Variants in ANKRD36B observed in about 807,000 individuals in gnomAD.
ANKRD36B encodes ankyrin repeat domain-containing protein 36B.
In ANKRD36B, 37 loss-of-function variants were observed where a neutral mutation model predicts 135.7. That is an observed-to-expected ratio of 0.27 (90% CI 0.21 to 0.36). The LOEUF is 0.36. Ranked by LOEUF, ANKRD36B falls within the 10% of genes least tolerant of loss-of-function variation. The pLI is 1.00. For missense variants in ANKRD36B, 549 were observed against 1,037.1 expected (o/e 0.53, Z 6.46); for synonymous variants, 179 against 348.1 (o/e 0.51, Z 5.41).
chr2:97,571,258 TG>T (rs1488416614), intron 6 of ANKRD36B, among the ~76,000 whole-genome samples: 2 of 152,062 alleles, frequency 1.3e-5, no homozygotes, highest in African/African-American at 2.4e-5. Context: ...GCAGGAAGAT[TG>T]CTTGAGATCA....
intron 3 of ANKRD36B, among the ~76,000 whole-genome samples, chr2:97,581,783 T>C (rs2082649341): frequency 6.6e-6 from 1 of 152,154 alleles, no homozygotes. Flanking sequence ...ACCACTAAAT[T>C]ATTTGCATCA....
At chr2:97,563,639 C>A (rs2442260) in intron 6 of ANKRD36B, among the ~76,000 whole-genome samples, 47 of 152,046 alleles carry the variant, frequency 3.1e-4, no homozygotes, top group African/African-American at 9.7e-4. Flanking sequence ...CTTTGACCAT[C>A]GGCCATTTCC....
At chr2:97,537,558 C>T (rs1228144752) in intron 32 of ANKRD36B, among the ~76,000 whole-genome samples, 3 of 97,126 alleles carry the variant, frequency 3.1e-5, no homozygotes, top group African/African-American at 6.2e-5. Flanking sequence ...TTACAGTAGT[C>T]ATTGGAGCAG....
rs996676464 is a variant in ANKRD36B at position 97,543,795 on chromosome 2, C to T, written c.1778G>A (p.Gly593Glu). Reference sequence around the variant, plus strand: ...AATGTGTTTTGCAAAATTACCTGTTCCAGATTGTTGTCCATCCTTTATTTC... The same window carrying T: ...AATGTGTTTTGCAAAATTACCTGTTTCAGATTGTTGTCCATCCTTTATTTC... ...PTEIKDGQQS[G>E]TVSSQKQPAW... Residue 593 changes from glycine (G) to glutamate (E), a missense_variant, in exon 26 of 44, where the codon GGA becomes GAA. Gly to Glu is a moderately conservative substitution (Grantham distance 98). Coordinates refer to ENST00000359901, the MANE Select transcript of ANKRD36B (RefSeq NM_001393939.1). The T allele has an allele frequency of 8.8e-5, 17 of 194,224 alleles. 2 individuals carry two copies. Among genetic ancestry groups the T allele is most frequent in the African/African-American group, 8.5e-4 (17 of 19,888 alleles). 12.0% of individuals were successfully genotyped at this position (194,224 alleles called of 1,614,324 possible).
chr2:97,549,245 C>G, intron 20 of ANKRD36B, among the ~76,000 whole-genome samples, 174 bp downstream of exon 20: 1 of 102,964 alleles, frequency 9.7e-6, no homozygotes, highest in South Asian at 2.2e-4. Context: ...TGTTCCAGAC[C>G]AGCAGCATCA....
chr2:97,585,526 C>T, intron 1 of ANKRD36B, 128 bp from the exon 2 acceptor site: 3 of 1,325,864 alleles, frequency 2.3e-6, no homozygotes, highest in Non-Finnish European at 3.0e-6. Context: ...GCGCTTATTA[C>T]TCACCACATT....
At chr2:97,553,016 T>G (rs9677528) in intron 16 of ANKRD36B, among the ~76,000 whole-genome samples, 152 bp downstream of exon 16, 84,508 of 151,636 alleles carry the variant, frequency 0.56, 25,172 homozygotes, top group Non-Finnish European at 0.67. Context: ...CGTCACCCAA[T>G]AATTTATTAC....
At chr2:97,515,013 C>T (rs1459309702) in intron 37 of ANKRD36B, among the ~76,000 whole-genome samples, 1 of 80,454 alleles carries the variant, frequency 1.2e-5, no homozygotes, top group African/African-American at 3.9e-5. Flanking sequence ...ATGTGATTCT[C>T]CTGCCTCAGC....
Position 97,524,716 on chromosome 2 carries a change from A to G in ANKRD36B, c.2266-1249T>C, listed in dbSNP as rs2078098642. The G allele has an allele frequency of 2.1e-5, 2 of 97,206 alleles. 1 individual carries two copies. The highest frequency in any genetic ancestry group is 5.5e-5 in the Non-Finnish European group (2 of 36,540). 6.0% of individuals were successfully genotyped at this position (97,206 alleles called of 1,614,324 possible). A position where few individuals can be genotyped will look rare whatever the true frequency, so the allele number is the denominator to read the frequency against. On this transcript the variant is annotated intron_variant, in intron 35 of 43. Transcript: ENST00000359901. ...GTTATTATGTAGTTGCTCTTCCTCA[A>G]TACAAGCAGTTTTGTAATTTTCACA...
chr2:97,530,508 G>A (rs1201291394), intron 35 of ANKRD36B, among the ~76,000 whole-genome samples: 1 of 95,790 alleles, frequency 1.0e-5, no homozygotes, highest in African/African-American at 3.2e-5. Flanking sequence ...AGGACTTCAT[G>A]TCTAAAACAC....
intron 6 of ANKRD36B, among the ~76,000 whole-genome samples, chr2:97,566,596 T>C (rs980013260): frequency 6.6e-6 from 1 of 152,142 alleles, no homozygotes; most frequent in Non-Finnish European, 1.5e-5. Context: ...ACATGTGAAT[T>C]GCAGTATAAA....
chr2:97,587,247 TTTC>T (rs1459702331), intron 1 of ANKRD36B, among the ~76,000 whole-genome samples: 2 of 152,218 alleles, frequency 1.3e-5, no homozygotes, highest in Admixed American at 6.5e-5. Context: ...AAGATTTATA[TTTC>T]TTCTTTTCCC....
intron 20 of ANKRD36B, among the ~76,000 whole-genome samples, chr2:97,548,053 T>C (rs555150125): frequency 0.059 from 8,999 of 151,594 alleles, 365 homozygotes; most frequent in Middle Eastern, 0.16. Flanking sequence ...GAGAAACTCA[T>C]ACACCTGAGA....
At chr2:97,547,185 T>A in intron 22 of ANKRD36B, 1 of 252,330 alleles carries the variant, frequency 4.0e-6, no homozygotes, top group Non-Finnish European at 7.7e-6. Flanking sequence ...GGCAGTATGA[T>A]CTGAAGTGTG....
rs2080418963 is a variant in ANKRD36B at position 97,555,332 on chromosome 2, T to C, written c.1070-78A>G. On this transcript the variant is annotated intron_variant, in intron 12 of 43. Transcript: ENST00000359901. ...TCCATACATTCATGAAATGTTAGCA[T>C]CAAGCTGTATCTTCCTGCCTGTATT... The C allele has an allele frequency of 2.5e-6, 4 of 1,586,060 alleles. No individual in the cohort carries two copies. In the Admixed American group the frequency reaches 6.8e-5, roughly 27 times the overall value.
At chr2:97,561,310 T>C (rs2081003164) in intron 6 of ANKRD36B, among the ~76,000 whole-genome samples, 1 of 151,946 alleles carries the variant, frequency 6.6e-6, no homozygotes, top group Non-Finnish European at 1.5e-5. Flanking sequence ...TTTAACTTGA[T>C]TGATCAGTGA....
rs1281577554 is a variant in ANKRD36B at position 97,494,507 on chromosome 2, A to G, written c.*7-1652T>C. ...GTGAGAACTCACTCATTAGTGAAAA[A>G]AGGGCAAAAAGCTATCCAGGAGAGA... On this transcript the variant is annotated intron_variant, in intron 43 of 43. Transcript: ENST00000359901. Among the ~76,000 whole-genome samples, 54 of 106,576 alleles carry G rather than the reference A, an allele frequency of 5.1e-4. 2 individuals are homozygous for G. The highest frequency in any genetic ancestry group is 1.2e-3 in the African/African-American group (47 of 37,818). The allele number at this position is 106,576 out of a possible 152,430, so 69.9% of individuals were successfully genotyped here. A position where few individuals can be genotyped will look rare whatever the true frequency, so the allele number is the denominator to read the frequency against.
intron 8 of ANKRD36B, among the ~76,000 whole-genome samples, chr2:97,559,851 G>A (rs1274526919): frequency 2.6e-5 from 4 of 151,918 alleles, no homozygotes; most frequent in African/African-American, 9.7e-5. Context: ...GGAGTATCAT[G>A]TTAGTCTCTA....
chr2:97,581,669 C>T (rs1425498776), intron 3 of ANKRD36B, among the ~76,000 whole-genome samples: 2 of 152,084 alleles, frequency 1.3e-5, no homozygotes, highest in Admixed American at 6.6e-5. Flanking sequence ...TCTTACCTAA[C>T]TTATTTTATT....
Sources: allele counts gnomAD v4.1 joint callset (sites outside exome capture counted in the v4.1 genomes callset), GRCh38; gene constraint gnomAD v4.1.1; transcripts MANE v1.5; gene names NCBI Gene and HGNC (gene_info 2026-07-23, HGNC 2026-07-21).